NAV2: variants seen among roughly 807,000 people sequenced by gnomAD.
NAV2 encodes neuron navigator 2.
Under a neutral mutation model 223.2 loss-of-function variants are expected in NAV2, and 54 were observed. The ratio of observed to expected loss-of-function variants is 0.24; its 90% CI spans 0.19 to 0.30. The LOEUF (loss-of-function observed/expected upper bound fraction) is 0.30. Ranked by LOEUF, NAV2 falls within the 10% of genes least tolerant of loss-of-function variation. The pLI is 1.00. For synonymous variants in NAV2, 1,279 were observed against 1,239.3 expected, an observed-to-expected ratio of 1.03 and a Z score of -0.67; for missense variants, 2,806 against 3,147.5, an observed-to-expected ratio of 0.89 and a Z score of 2.60.
chr11:19,684,202 C>T (rs1287452175), intron 1 of NAV2, among the ~76,000 whole-genome samples: 2 of 152,142 alleles, frequency 1.3e-5, no homozygotes, highest in Non-Finnish European at 2.9e-5. Flanking sequence ...AATGTCTGTT[C>T]CTGAACTCAA....
chr11:20,005,420 A>T (rs1022270780), intron 11 of NAV2, among the ~76,000 whole-genome samples: 14 of 151,572 alleles, frequency 9.2e-5, no homozygotes, highest in African/African-American at 3.4e-4. Context: ...TAATTTTTAT[A>T]TTTTTAGTAG....
upstream of NAV2, among the ~76,000 whole-genome samples, chr11:19,349,174 A>G (rs147834280): frequency 1.3e-5 from 2 of 152,336 alleles, no homozygotes; most frequent in African/African-American, 4.8e-5. Flanking sequence ...TTCTTACCAA[A>G]TTCAGAACAT....
intron 1 of NAV2, among the ~76,000 whole-genome samples, chr11:19,491,571 G>A (rs995051486): frequency 2.6e-5 from 4 of 152,128 alleles, no homozygotes; most frequent in Non-Finnish European, 4.4e-5. Context: ...AGAGATTTAG[G>A]TCGTGTCTCT....
At chr11:19,537,156 G>T (rs1333095356) in intron 1 of NAV2, among the ~76,000 whole-genome samples, 1 of 152,088 alleles carries the variant, frequency 6.6e-6, no homozygotes, top group Non-Finnish European at 1.5e-5. Context: ...AGAAATCGAG[G>T]AGAACTGCAA....
intron 11 of NAV2, among the ~76,000 whole-genome samples, chr11:20,010,721 G>A (rs188240521): frequency 1.3e-5 from 2 of 152,228 alleles, no homozygotes; most frequent in Non-Finnish European, 2.9e-5. Flanking sequence ...CTAGTTCTGT[G>A]ACTGGTTATC....
intron 1 of NAV2, among the ~76,000 whole-genome samples, chr11:19,354,504 A>G (rs957106015): frequency 3.3e-5 from 5 of 152,270 alleles, no homozygotes; most frequent in Non-Finnish European, 7.3e-5. Flanking sequence ...ACACTGGCCT[A>G]TGCCTTAAAG....
intron 1 of NAV2, among the ~76,000 whole-genome samples, chr11:19,541,151 A>G (rs2044330470): frequency 6.6e-6 from 1 of 152,222 alleles, no homozygotes; most frequent in African/African-American, 2.4e-5. Flanking sequence ...GAAGTTATAC[A>G]TGTAATTGGT....
At chr11:19,652,549 C>T (rs542933578) in intron 1 of NAV2, among the ~76,000 whole-genome samples, 2 of 152,196 alleles carry the variant, frequency 1.3e-5, no homozygotes, top group South Asian at 2.1e-4. Flanking sequence ...TTCTTCCCCC[C>T]ACTCCACGCC....
At chr11:19,709,159 A>C (rs1042516463), upstream of NAV2, among the ~76,000 whole-genome samples, 12 of 150,264 alleles carry the variant, frequency 8.0e-5, no homozygotes, top group African/African-American at 2.7e-4. Context: ...TAGGAGAAAA[A>C]ATAGCTTCCC....
intron 1 of NAV2, among the ~76,000 whole-genome samples, chr11:19,492,203 G>A (rs979137458): frequency 6.6e-6 from 1 of 152,022 alleles, no homozygotes; most frequent in African/African-American, 2.4e-5. Context: ...ACAGAGGCAT[G>A]AAGTGAGCAC....
chr11:19,882,016 C>A (rs1485217850), intron 5 of NAV2, among the ~76,000 whole-genome samples: 3 of 152,186 alleles, frequency 2.0e-5, no homozygotes, highest in African/African-American at 7.2e-5. Context: ...CTGTGGCACT[C>A]AGGCCCCGTC....
intron 16 of NAV2, among the ~76,000 whole-genome samples, chr11:20,050,131 C>T (rs760460113): frequency 7.2e-5 from 11 of 152,130 alleles, no homozygotes; most frequent in Non-Finnish European, 1.5e-4. Context: ...TTTGGGAAGG[C>T]GACCTTAAAC....
chr11:19,993,700 C>G (rs552916698), intron 11 of NAV2, among the ~76,000 whole-genome samples: 1 of 152,294 alleles, frequency 6.6e-6, no homozygotes, highest in South Asian at 2.1e-4. Context: ...GGTAGCTCCT[C>G]TGGGTGGAGA....
chr11:19,467,014 CACACAGAGAG>C (rs1489403896), intron 1 of NAV2, among the ~76,000 whole-genome samples: 1,610 of 139,100 alleles, frequency 0.012, 15 homozygotes, highest in Middle Eastern at 0.014. Flanking sequence ...CACACACACA[CACACAGAGAG>C]AGAGAGAGAG....
At chr11:20,100,053 G>A (rs930781267) in intron 31 of NAV2, among the ~76,000 whole-genome samples, 7 of 152,170 alleles carry the variant, frequency 4.6e-5, no homozygotes, top group African/African-American at 9.7e-5. Flanking sequence ...GACTGAGTAC[G>A]TAGAAGGAAT....
intron 1 of NAV2, among the ~76,000 whole-genome samples, chr11:19,624,720 C>T (rs546783181): frequency 3.9e-5 from 6 of 152,306 alleles, no homozygotes; most frequent in East Asian, 1.9e-4. Context: ...GGCGATTCCT[C>T]GCCCTGCTTC....
chr11:19,884,278 C>T (rs772200107), intron 5 of NAV2: 2 of 1,603,322 alleles, frequency 1.2e-6, no homozygotes, highest in Non-Finnish European at 1.7e-6. Flanking sequence ...CCACTTTTTT[C>T]TTTCCTATCA....
Position 19,568,564 on chromosome 11 carries a change from T to A in NAV2, c.75+217537T>A, listed in dbSNP as rs111681704. ...GAAGTCCAGAGCATAAGAGGCTCTC[T>A]CCTGGAGCACTGTTTGTGTCAGACC... On this transcript the variant is annotated intron_variant, in intron 1 of 37. Transcript: ENST00000360655. Among the ~76,000 whole-genome samples the A allele has an allele frequency of 2.2e-3, 340 of 152,318 alleles. 1 individual carries two copies. Among genetic ancestry groups the A allele is most frequent in the African/African-American group, 7.9e-3 (330 of 41,574 alleles).
rs562725227 is a variant in NAV2, at chr11:20,053,570, T to G, written c.4482-510T>G. Among the ~76,000 whole-genome samples the G allele has an allele frequency of 2.0e-5, 3 of 152,358 alleles. No individual in the cohort carries two copies. The South Asian group carries it at 6.2e-4, about 32-fold the overall frequency. On this transcript the variant is annotated intron_variant, in intron 17 of 37. Transcript: ENST00000349880. ...GGGGTTGCTTTTATGAAGATTTGTTTGTGCTCTATTACAGCAACTACTATA... is the reference window on the plus strand; with the variant it reads ...GGGGTTGCTTTTATGAAGATTTGTTGGTGCTCTATTACAGCAACTACTATA...
Sources: gnomAD v4.1 joint callset for allele counts (sites outside exome capture counted in the v4.1 genomes callset) on GRCh38, gnomAD v4.1.1 for gene constraint, MANE v1.5 for transcripts, NCBI Gene and HGNC (gene_info 2026-07-23, HGNC 2026-07-21) for gene names.